Variants in LOC128092253 observed in about 807,000 individuals in gnomAD.
the LOC128092253 span, among the ~76,000 whole-genome samples, chr6:133,966,247 G>T: frequency 6.6e-6 from 1 of 152,164 alleles, no homozygotes; most frequent in Non-Finnish European, 1.5e-5. Context: ...CAGAAATAAA[G>T]AAGATTTGAT....
the LOC128092253 span, among the ~76,000 whole-genome samples, chr6:133,969,684 G>C: frequency 6.6e-6 from 1 of 152,084 alleles, no homozygotes; most frequent in Non-Finnish European, 1.5e-5. Flanking sequence ...CCTGTGGACT[G>C]ACTCCTAAAA....
chr6:133,961,432 T>C, the LOC128092253 span, among the ~76,000 whole-genome samples: 4 of 151,714 alleles, frequency 2.6e-5, no homozygotes, highest in Admixed American at 1.3e-4. Context: ...CTACTTCTTA[T>C]CCTTTAAGAT....
the LOC128092253 span, among the ~76,000 whole-genome samples, chr6:133,956,670 A>G: frequency 6.6e-6 from 1 of 152,210 alleles, no homozygotes; most frequent in Non-Finnish European, 1.5e-5. Context: ...TAGCTAGTGG[A>G]TGAAGGAAAC....
the LOC128092253 span, among the ~76,000 whole-genome samples, chr6:133,973,179 G>A: frequency 4.6e-5 from 7 of 152,216 alleles, no homozygotes; most frequent in Admixed American, 4.6e-4. Context: ...TATAAAGGAT[G>A]TGAGGTTACT....
chr6:133,967,680 T>C, the LOC128092253 span, among the ~76,000 whole-genome samples: 1 of 152,190 alleles, frequency 6.6e-6, no homozygotes, highest in Non-Finnish European at 1.5e-5. Flanking sequence ...TTTGGGTATC[T>C]AAACATAGGA....
the LOC128092253 span, among the ~76,000 whole-genome samples, chr6:133,976,923 G>T: frequency 6.7e-6 from 1 of 149,672 alleles, no homozygotes; most frequent in Admixed American, 6.7e-5. Context: ...AGCCAAGATC[G>T]CGTCACAGCC....
chr6:133,971,287 T>C, the LOC128092253 span, among the ~76,000 whole-genome samples: 1 of 152,180 alleles, frequency 6.6e-6, no homozygotes, highest in African/African-American at 2.4e-5. Flanking sequence ...CTGAATAATA[T>C]TCACATTTTC....
chr6:133,957,540 G>A, the LOC128092253 span, among the ~76,000 whole-genome samples: 94 of 152,272 alleles, frequency 6.2e-4, no homozygotes, highest in African/African-American at 2.1e-3. Context: ...AGGTGTTAAC[G>A]TTCCCGCTCC....
chr6:133,964,980 C>G, the LOC128092253 span, among the ~76,000 whole-genome samples: 11 of 152,142 alleles, frequency 7.2e-5, no homozygotes, highest in African/African-American at 2.7e-4. Flanking sequence ...ATCAGTGCTT[C>G]AAGTTTGAGC....
At chr6:133,964,266 C>T in the LOC128092253 span, among the ~76,000 whole-genome samples, 1 of 152,044 alleles carries the variant, frequency 6.6e-6, no homozygotes, top group African/African-American at 2.4e-5. Flanking sequence ...AGTGACGCAC[C>T]CTTCAACCAG....
the LOC128092253 span, among the ~76,000 whole-genome samples, chr6:133,967,815 G>T: frequency 6.6e-6 from 1 of 152,134 alleles, no homozygotes; most frequent in African/African-American, 2.4e-5. Flanking sequence ...AATTAATTCA[G>T]TATTGCTGCT....
chr6:133,957,499 GT>G, the LOC128092253 span, among the ~76,000 whole-genome samples: 1 of 152,150 alleles, frequency 6.6e-6, no homozygotes, highest in Non-Finnish European at 1.5e-5. Context: ...AAAAAAATTT[GT>G]TTCCATTAAT....
chr6:133,953,339 C>T, the LOC128092253 span: 2 of 152,932 alleles, frequency 1.3e-5, no homozygotes, highest in East Asian at 1.9e-4. Context: ...TCATCCTCAT[C>T]CTTGTCCTCC....
chr6:133,954,306 A>C, the LOC128092253 span, among the ~76,000 whole-genome samples: 34 of 152,294 alleles, frequency 2.2e-4, 1 homozygote, highest in East Asian at 5.4e-3. Flanking sequence ...CTGTGACTTA[A>C]GAAAAGGGAG....
chr6:133,977,247 C>T, the LOC128092253 span, among the ~76,000 whole-genome samples: 2 of 152,024 alleles, frequency 1.3e-5, no homozygotes, highest in Admixed American at 6.5e-5. Context: ...CTTATTAAAG[C>T]AATCTTTTCT....
At chr6:133,979,790 A>G in the LOC128092253 span, among the ~76,000 whole-genome samples, 3 of 151,948 alleles carry the variant, frequency 2.0e-5, no homozygotes, top group African/African-American at 7.2e-5. Context: ...GGGATTACAG[A>G]CATGCACCAT....
the LOC128092253 span, among the ~76,000 whole-genome samples, chr6:133,960,047 C>A: frequency 6.6e-6 from 1 of 152,198 alleles, no homozygotes; most frequent in South Asian, 2.1e-4. Flanking sequence ...CTCTCACCTA[C>A]TTATGGCTGC....
chr6:133,966,659 C>G, the LOC128092253 span, among the ~76,000 whole-genome samples: 2 of 152,316 alleles, frequency 1.3e-5, no homozygotes, highest in Admixed American at 6.5e-5. Flanking sequence ...CAAACCTGCC[C>G]TTTCTCCAGT....
the LOC128092253 span, among the ~76,000 whole-genome samples, chr6:133,954,530 A>G: frequency 6.6e-6 from 1 of 152,226 alleles, no homozygotes; most frequent in Non-Finnish European, 1.5e-5. Flanking sequence ...TTACCTCTTT[A>G]GTCTTACATC....
Sources: gnomAD v4.1 joint callset for allele counts (sites outside exome capture counted in the v4.1 genomes callset) on GRCh38, gnomAD v4.1.1 for gene constraint, MANE v1.5 for transcripts.